DDX10: variants seen among roughly 807,000 people sequenced by gnomAD.
DDX10 encodes probable ATP-dependent RNA helicase DDX10.
A neutral mutation model predicts 104.3 loss-of-function variants in DDX10; 74 were observed. That is an observed-to-expected ratio of 0.71 (90% CI 0.59 to 0.86). The LOEUF is 0.86. DDX10 is among the 40% of genes least tolerant of loss of function. The pLI is 0.00. For synonymous variants in DDX10, 351 were observed against 353.4 expected, an observed-to-expected ratio of 0.99 and a Z score of 0.08; for missense variants, 952 against 1,040.0, an observed-to-expected ratio of 0.92 and a Z score of 1.16.
chr11:108,737,708 G>A (rs2094320073), intron 13 of DDX10, among the ~76,000 whole-genome samples: 1 of 152,120 alleles, frequency 6.6e-6, no homozygotes, highest in Non-Finnish European at 1.5e-5. Context: ...ATCTGTCTTG[G>A]AGCCGTTTTC....
rs540951959 is a variant in DDX10, at chr11:108,690,674, T to C, written c.976-1202T>C. 10 of 170,444 alleles carry C rather than the reference T, an allele frequency of 5.9e-5. 1 individual carries two copies. In the South Asian group the frequency reaches 1.0e-3, roughly 17 times the overall value. 10.6% of individuals were successfully genotyped at this position (170,444 alleles called of 1,614,324 possible). On this transcript the variant is annotated intron_variant, in intron 7 of 17. Coordinates refer to ENST00000322536, the MANE Select transcript of DDX10 (RefSeq NM_004398.4). ...GTGCGTTGGCCAGTGTGGGCCACTTTTGCGCCATGTAATCTTTGAAACCTC... is the reference window on the plus strand; with the variant it reads ...GTGCGTTGGCCAGTGTGGGCCACTTCTGCGCCATGTAATCTTTGAAACCTC...
At chr11:108,911,412 C>T (rs1863675552) in intron 16 of DDX10, among the ~76,000 whole-genome samples, 1 of 152,078 alleles carries the variant, frequency 6.6e-6, no homozygotes, top group African/African-American at 2.4e-5. Context: ...TTCTCTGCTT[C>T]ATAGATGGTA....
intron 13 of DDX10, among the ~76,000 whole-genome samples, chr11:108,770,515 C>G (rs1311353279): frequency 7.1e-6 from 1 of 141,332 alleles, no homozygotes. Flanking sequence ...CACCAACCCC[C>G]ACTACCCTTC....
chr11:108,762,961 T>C (rs1026780615), intron 13 of DDX10, among the ~76,000 whole-genome samples: 9 of 152,182 alleles, frequency 5.9e-5, no homozygotes, highest in African/African-American at 2.2e-4. Context: ...AGTCAGAGTG[T>C]CTTTGAATTT....
chr11:108,822,276 A>G (rs535631139), intron 13 of DDX10: 1 of 232,554 alleles, frequency 4.3e-6, no homozygotes, highest in South Asian at 6.7e-5. Flanking sequence ...ATTATGGTAC[A>G]CATAAAAAAG....
intron 16 of DDX10, among the ~76,000 whole-genome samples, chr11:108,893,257 G>T (rs1037547470): frequency 1.3e-5 from 2 of 152,018 alleles, no homozygotes; most frequent in African/African-American, 4.8e-5. Context: ...TGGTAGTGCA[G>T]ATTTTGGATG....
At chr11:108,912,551 A>G (rs17108736) in intron 16 of DDX10, among the ~76,000 whole-genome samples, 9,542 of 152,238 alleles carry the variant, frequency 0.063, 902 homozygotes, top group African/African-American at 0.2. Context: ...ATGCTTAAAC[A>G]GTTTTCCCTT....
chr11:108,849,341 G>C (rs1026496311), intron 15 of DDX10, among the ~76,000 whole-genome samples: 1 of 152,048 alleles, frequency 6.6e-6, no homozygotes, highest in African/African-American at 2.4e-5. Flanking sequence ...ACAGTTGCCT[G>C]AGAATCACGC....
At chr11:108,674,777 G>A (rs2094221778) in intron 2 of DDX10, among the ~76,000 whole-genome samples, 1 of 152,186 alleles carries the variant, frequency 6.6e-6, no homozygotes, top group African/African-American at 2.4e-5. Flanking sequence ...GCCTCCCAAA[G>A]TGCTGGGATT....
intron 13 of DDX10, among the ~76,000 whole-genome samples, chr11:108,813,429 T>G (rs1042110996): frequency 3.3e-5 from 5 of 152,208 alleles, no homozygotes; most frequent in African/African-American, 1.2e-4. Context: ...TGATCTTAAT[T>G]TTCTTACTCT....
chr11:108,696,011 T>C (rs946487133), intron 9 of DDX10, among the ~76,000 whole-genome samples: 1 of 152,222 alleles, frequency 6.6e-6, no homozygotes, highest in African/African-American at 2.4e-5. Context: ...TTAGGTTTTG[T>C]ATATGATACT....
intron 16 of DDX10, among the ~76,000 whole-genome samples, chr11:108,883,885 A>T (rs531909044): frequency 6.6e-6 from 1 of 151,602 alleles, no homozygotes; most frequent in Non-Finnish European, 1.5e-5. Context: ...TTTTCCATTT[A>T]CCTCCCTGGG....
chr11:108,804,497 T>TTA (rs1337003195), intron 13 of DDX10, among the ~76,000 whole-genome samples: 1 of 17,206 alleles, frequency 5.8e-5, no homozygotes, highest in Non-Finnish European at 2.1e-4. Context: ...AGACCCTGTC[T>TTA]CAAAAAAAAA....
At chr11:108,917,748 C>A in intron 16 of DDX10, 125 bp from the exon 17 acceptor site, 2 of 908,032 alleles carry the variant, frequency 2.2e-6, no homozygotes, top group Non-Finnish European at 1.7e-6. Flanking sequence ...TAAGGGCCTA[C>A]ACCAGAAGAG....
At chr11:108,912,622 G>A (rs921734225) in intron 16 of DDX10, among the ~76,000 whole-genome samples, 6 of 152,278 alleles carry the variant, frequency 3.9e-5, no homozygotes, top group Non-Finnish European at 5.9e-5. Context: ...TGGGAACGGT[G>A]TCAGGCAAAC....
chr11:108,704,338 C>A (rs922591962), intron 9 of DDX10, among the ~76,000 whole-genome samples: 4 of 152,178 alleles, frequency 2.6e-5, no homozygotes, highest in Non-Finnish European at 4.4e-5. Context: ...TTGACTGTTG[C>A]CTAGCCCTCA....
intron 16 of DDX10, among the ~76,000 whole-genome samples, chr11:108,881,147 A>G (rs1245875634): frequency 1.3e-5 from 2 of 152,180 alleles, no homozygotes; most frequent in African/African-American, 4.8e-5. Context: ...AGGATTCAGT[A>G]TTTTATCCTC....
At chr11:108,915,829 A>G (rs1436595734) in intron 16 of DDX10, among the ~76,000 whole-genome samples, 1 of 152,078 alleles carries the variant, frequency 6.6e-6, no homozygotes, top group African/African-American at 2.4e-5. Context: ...TATCTGTGAG[A>G]GGCCAGATTG....
chr11:108,824,677 A>G, intron 13 of DDX10, among the ~76,000 whole-genome samples: 1 of 152,168 alleles, frequency 6.6e-6, no homozygotes, highest in Non-Finnish European at 1.5e-5. Flanking sequence ...ATATAGAAAT[A>G]TTTATTAAAA....
Sources: gnomAD v4.1 joint callset for allele counts (sites outside exome capture counted in the v4.1 genomes callset) on GRCh38, gnomAD v4.1.1 for gene constraint, MANE v1.5 for transcripts, NCBI Gene and HGNC (gene_info 2026-07-23, HGNC 2026-07-21) for gene names.